RBFOX1: variants seen among roughly 807,000 people sequenced by gnomAD.
RBFOX1 encodes the protein RNA binding protein fox-1 homolog 1.
In RBFOX1, 8 loss-of-function variants were observed where a neutral mutation model predicts 57.7. That is an observed-to-expected ratio of 0.14 (90% CI 0.08 to 0.25). RBFOX1 has a LOEUF of 0.25. Among genes scored for constraint, RBFOX1 ranks in the 10% least tolerant of loss-of-function variants. The probability of loss-of-function intolerance (pLI) is 1.00; values close to 1 mark genes in which losing one functional copy is unlikely to be tolerated. For missense variants in RBFOX1, 611 were observed against 548.5 expected, an observed-to-expected ratio of 1.11 and a Z score of -1.14; for synonymous variants, 326 against 222.4, an observed-to-expected ratio of 1.47 and a Z score of -4.15.
chr16:6,476,280 T>C (rs1245318743), intron 2 of RBFOX1, among the ~76,000 whole-genome samples: 3 of 152,190 alleles, frequency 2.0e-5, no homozygotes, highest in Non-Finnish European at 4.4e-5. Flanking sequence ...CAAATATCCG[T>C]AGAGACATAC....
chr16:5,645,856 C>G (rs945334192), intron 3 of RBFOX1, among the ~76,000 whole-genome samples: 1 of 152,082 alleles, frequency 6.6e-6, no homozygotes, highest in Admixed American at 6.6e-5. Flanking sequence ...ATTTCATAGA[C>G]AAAGGGTCTT....
intron 4 of RBFOX1, among the ~76,000 whole-genome samples, chr16:5,993,082 C>G (rs2060428923): frequency 6.6e-6 from 1 of 152,190 alleles, no homozygotes. Context: ...CTCAAATCCA[C>G]AAGTACCATC....
intron 1 of RBFOX1, among the ~76,000 whole-genome samples, chr16:6,270,520 T>C (rs941591134): frequency 6.7e-6 from 1 of 148,852 alleles, no homozygotes; most frequent in Admixed American, 6.7e-5. Flanking sequence ...TGATACAGTG[T>C]CAGTCCAACA....
chr16:6,404,597 C>CA (rs2093206389), intron 2 of RBFOX1, among the ~76,000 whole-genome samples: 1 of 152,136 alleles, frequency 6.6e-6, no homozygotes, highest in Non-Finnish European at 1.5e-5. Context: ...CTTTTTCCTT[C>CA]ATGAGCAGCA....
chr16:5,906,375 T>C (rs1164281517), intron 4 of RBFOX1, among the ~76,000 whole-genome samples: 1 of 152,188 alleles, frequency 6.6e-6, no homozygotes, highest in Non-Finnish European at 1.5e-5. Context: ...ATCAAGGTAA[T>C]GTTTCTGCAA....
intron 4 of RBFOX1, among the ~76,000 whole-genome samples, chr16:5,893,073 T>C (rs530893754): frequency 5.3e-5 from 8 of 152,310 alleles, no homozygotes; most frequent in African/African-American, 1.9e-4. Flanking sequence ...CTCTTCAAAA[T>C]CTCATGCGTC....
chr16:6,428,436 A>ATGTAG (rs2093990738), intron 2 of RBFOX1, among the ~76,000 whole-genome samples: 1 of 152,096 alleles, frequency 6.6e-6, no homozygotes, highest in African/African-American at 2.4e-5. Context: ...ATGTATGTGT[A>ATGTAG]TGTAGTTTAT....
chr16:7,455,693 G>A (rs2058356817), intron 4 of RBFOX1, among the ~76,000 whole-genome samples: 1 of 151,042 alleles, frequency 6.6e-6, no homozygotes, highest in Non-Finnish European at 1.5e-5. Flanking sequence ...AGGCTGAGGT[G>A]GGAGAATTGC....
intron 2 of RBFOX1, among the ~76,000 whole-genome samples, chr16:6,318,981 C>G (rs926819945): frequency 6.6e-6 from 1 of 151,836 alleles, no homozygotes; most frequent in Non-Finnish European, 1.5e-5. Context: ...CAGTCACTTC[C>G]TCTGGAACAA....
intron 3 of RBFOX1, among the ~76,000 whole-genome samples, chr16:5,785,599 C>G (rs1428502299): frequency 6.6e-6 from 1 of 152,068 alleles, no homozygotes; most frequent in African/African-American, 2.4e-5. Context: ...ATGATCTTGG[C>G]TCACTGCAAC....
At chr16:7,098,495 C>A (rs932236966) in intron 4 of RBFOX1, among the ~76,000 whole-genome samples, 4 of 152,110 alleles carry the variant, frequency 2.6e-5, no homozygotes, top group Non-Finnish European at 5.9e-5. Context: ...TCTATTCATT[C>A]ATTTGTAAAA....
At chr16:7,047,339 C>T (rs2048324575) in intron 3 of RBFOX1, among the ~76,000 whole-genome samples, 1 of 152,052 alleles carries the variant, frequency 6.6e-6, no homozygotes. Flanking sequence ...ATTATTTTTT[C>T]AGTATTTCAA....
chr16:7,524,001 T>C (rs994855829), intron 5 of RBFOX1, among the ~76,000 whole-genome samples: 1 of 152,214 alleles, frequency 6.6e-6, no homozygotes, highest in Admixed American at 6.5e-5. Flanking sequence ...TCCATGACCC[T>C]GTATTTGCAC....
At chr16:7,670,749 C>G (rs1237865424) in intron 13 of RBFOX1, among the ~76,000 whole-genome samples, 2 of 152,148 alleles carry the variant, frequency 1.3e-5, no homozygotes, top group Non-Finnish European at 1.5e-5. Flanking sequence ...GTCCCTCAGT[C>G]TCTTCAAGTG....
At chr16:7,185,757 C>T (rs908246188) in intron 4 of RBFOX1, among the ~76,000 whole-genome samples, 1 of 152,120 alleles carries the variant, frequency 6.6e-6, no homozygotes, top group Non-Finnish European at 1.5e-5. Context: ...ATATTGAATT[C>T]CTTCTGAAAC....
chr16:6,233,770 A>T (rs1000999215), intron 1 of RBFOX1, among the ~76,000 whole-genome samples: 1 of 151,876 alleles, frequency 6.6e-6, no homozygotes, highest in African/African-American at 2.4e-5. Flanking sequence ...CACCATGCCC[A>T]TCCCAACTTT....
At chr16:7,438,543 T>C (rs896059947) in intron 4 of RBFOX1, among the ~76,000 whole-genome samples, 3 of 152,162 alleles carry the variant, frequency 2.0e-5, no homozygotes, top group African/African-American at 7.2e-5. Context: ...GCGTAATTCG[T>C]CCTCACAGAC....
At chr16:7,522,351 A>G (rs1434964810) in intron 5 of RBFOX1, among the ~76,000 whole-genome samples, 4 of 152,218 alleles carry the variant, frequency 2.6e-5, no homozygotes, top group South Asian at 2.1e-4. Context: ...TGAGTAAGAC[A>G]TCAATGGGAT....
At chr16:5,862,964 G>A (rs776836348) in intron 3 of RBFOX1, among the ~76,000 whole-genome samples, 1 of 152,068 alleles carries the variant, frequency 6.6e-6, no homozygotes, top group Non-Finnish European at 1.5e-5. Flanking sequence ...AACTCAGTCC[G>A]GACATCTCCT....
Sources: gnomAD v4.1 joint callset for allele counts (sites outside exome capture counted in the v4.1 genomes callset) on GRCh38, gnomAD v4.1.1 for gene constraint, MANE v1.5 for transcripts, NCBI Gene and HGNC (gene_info 2026-07-23, HGNC 2026-07-21) for gene names.